The following STIM2 variants were observed in gnomAD, a reference collection of about 807,000 sequenced individuals.
STIM2 encodes stromal interaction molecule 2.
In STIM2, 31 loss-of-function variants were observed where a neutral mutation model predicts 85.8. The ratio of observed to expected loss-of-function variants is 0.36; its 90% CI spans 0.27 to 0.49. The LOEUF (loss-of-function observed/expected upper bound fraction) is 0.49. Among genes scored for constraint, STIM2 ranks in the 20% least tolerant of loss-of-function variants. The pLI is 0.98. For synonymous variants in STIM2, 356 were observed against 331.1 expected (o/e 1.08, Z -0.82); for missense variants, 841 against 927.6 (o/e 0.91, Z 1.21).
At chr4:26,973,977 C>G (rs1480623971) in intron 3 of STIM2, among the ~76,000 whole-genome samples, 2 of 152,134 alleles carry the variant, frequency 1.3e-5, no homozygotes, top group Non-Finnish European at 2.9e-5. Context: ...GAATTGATCC[C>G]TTTACCATTA....
chr4:26,983,921 T>C (rs542414954), intron 3 of STIM2, among the ~76,000 whole-genome samples: 4 of 152,284 alleles, frequency 2.6e-5, no homozygotes, highest in African/African-American at 4.8e-5. Context: ...CTACAGAAAA[T>C]CTTTTGAAGA....
chr4:26,903,464 ATTTC>A (rs1724002475), intron 1 of STIM2, among the ~76,000 whole-genome samples: 1 of 152,078 alleles, frequency 6.6e-6, no homozygotes, highest in African/African-American at 2.4e-5. Flanking sequence ...TGAACTAGTT[ATTTC>A]TGTTTGCTTC....
chr4:26,865,351 T>C (rs1722364965), intron 1 of STIM2, among the ~76,000 whole-genome samples: 1 of 152,176 alleles, frequency 6.6e-6, no homozygotes, highest in East Asian at 1.9e-4. Flanking sequence ...TGGCCTCTGT[T>C]GGGAATCTCA....
intron 1 of STIM2, among the ~76,000 whole-genome samples, chr4:26,863,186 A>G (rs928252087): frequency 6.6e-6 from 1 of 152,140 alleles, no homozygotes; most frequent in African/African-American, 2.4e-5. Flanking sequence ...CATGGGGGAA[A>G]AAGGTGATTC....
At chr4:26,928,509 A>C (rs529302847) in intron 2 of STIM2, among the ~76,000 whole-genome samples, 50 of 152,206 alleles carry the variant, frequency 3.3e-4, no homozygotes, top group African/African-American at 1.2e-3. Flanking sequence ...AATCTTTTTT[A>C]CCTCATCAGA....
intron 1 of STIM2, among the ~76,000 whole-genome samples, chr4:26,868,612 G>A (rs1016463682): frequency 1.3e-5 from 2 of 152,052 alleles, no homozygotes; most frequent in African/African-American, 4.8e-5. Context: ...TTAAACCCTT[G>A]TTTGAAGTTT....
intron 11 of STIM2, among the ~76,000 whole-genome samples, chr4:27,022,180 G>T (rs77694488): frequency 0.019 from 2,955 of 152,202 alleles, 103 homozygotes; most frequent in African/African-American, 0.068. Flanking sequence ...AAGAAAAATA[G>T]TATTGAAACA....
At chr4:26,894,663 T>A (rs1320140698) in intron 1 of STIM2, among the ~76,000 whole-genome samples, 1 of 152,226 alleles carries the variant, frequency 6.6e-6, no homozygotes, top group Non-Finnish European at 1.5e-5. Flanking sequence ...GATCTATTTT[T>A]CTGTTGCTTT....
intron 4 of STIM2, among the ~76,000 whole-genome samples, chr4:26,999,026 A>G (rs756414198): frequency 6.6e-6 from 1 of 152,152 alleles, no homozygotes; most frequent in Admixed American, 6.5e-5. Context: ...TTATTAACAT[A>G]CAGGAGTCTT....
intron 3 of STIM2, among the ~76,000 whole-genome samples, chr4:26,970,344 C>T (rs975118063): frequency 6.6e-6 from 1 of 151,670 alleles, no homozygotes. Flanking sequence ...GTTTGCTGCA[C>T]CCATTAACTT....
chr4:26,919,577 A>G lies in STIM2; in HGVS notation c.225A>G (p.Ile75Met). ...TTAGTCTGGAAGCTCTTCAAACAAT[A>G]CATAAACAAATGGATGATGACAAAG... Residue 75 changes from isoleucine to methionine, a missense_variant, in exon 2 of 12, where the codon ATA becomes ATG. By Grantham distance (10) the Ile-to-Met change is conservative. Transcript: ENST00000467087. 1.2e-6 allele frequency: 2 copies of G among 1,613,718 alleles called. No individual in the cohort carries two copies. The highest frequency in any genetic ancestry group is 1.7e-6 in the Non-Finnish European group (2 of 1,179,734).
intron 6 of STIM2, 27 bp downstream of exon 6, chr4:27,002,421 T>C (rs1207028237): frequency 6.4e-7 from 1 of 1,555,006 alleles, no homozygotes; most frequent in Non-Finnish European, 8.7e-7. Flanking sequence ...CATAACTCAT[T>C]TATGTAGGCA....
intron 1 of STIM2, among the ~76,000 whole-genome samples, chr4:26,887,366 T>G (rs1222708581): frequency 6.6e-6 from 1 of 152,108 alleles, no homozygotes; most frequent in Non-Finnish European, 1.5e-5. Context: ...TTACAGACTT[T>G]GATTGAACTC....
chr4:26,930,170 G>T lies in STIM2; in HGVS notation c.282+10536G>T, dbSNP rs564080266. On this transcript the variant is annotated intron_variant, in intron 2 of 11. Transcript: ENST00000467087. ...TGAATTGTTGATTGCATTCAAGGCTGCACGGTCTGTCAATTTTAGTGAAAT... is the reference window on the plus strand; with the variant it reads ...TGAATTGTTGATTGCATTCAAGGCTTCACGGTCTGTCAATTTTAGTGAAAT... Among the ~76,000 whole-genome samples the T allele has an allele frequency of 3.1e-4, 47 of 152,276 alleles. No homozygotes were observed. In the South Asian group the frequency reaches 9.7e-3, roughly 32 times the overall value.
chr4:26,984,275 T>C (rs1042955768), intron 3 of STIM2, among the ~76,000 whole-genome samples: 2 of 152,232 alleles, frequency 1.3e-5, no homozygotes, highest in African/African-American at 4.8e-5. Context: ...TTTTTGGCAT[T>C]GTATAACATG....
chr4:26,885,824 T>TATATAC (rs1723199690), intron 1 of STIM2, among the ~76,000 whole-genome samples: 1 of 10,120 alleles, frequency 9.9e-5, no homozygotes, highest in Non-Finnish European at 1.7e-4. Context: ...CCTCAGGTTA[T>TATATAC]ATATATATAT....
intron 3 of STIM2, among the ~76,000 whole-genome samples, chr4:26,993,941 T>G (rs923584493): frequency 6.6e-6 from 1 of 152,128 alleles, no homozygotes; most frequent in Non-Finnish European, 1.5e-5. Context: ...TGTTAGAACC[T>G]CGTAAGTTTT....
intron 2 of STIM2, among the ~76,000 whole-genome samples, chr4:26,927,870 TTA>T (rs1249214992): frequency 7.2e-6 from 1 of 139,424 alleles, no homozygotes; most frequent in Non-Finnish European, 1.5e-5. Flanking sequence ...ATTATATAAA[TTA>T]TATATTAATA....
At chr4:26,978,308 T>C (rs1008647600) in intron 3 of STIM2, among the ~76,000 whole-genome samples, 2 of 148,130 alleles carry the variant, frequency 1.4e-5, no homozygotes, top group Non-Finnish European at 3.0e-5. Context: ...TATAAATCTA[T>C]ATATATGAAT....
Sources: gnomAD v4.1 joint callset for allele counts (sites outside exome capture counted in the v4.1 genomes callset) on GRCh38, gnomAD v4.1.1 for gene constraint, MANE v1.5 for transcripts, NCBI Gene and HGNC (gene_info 2026-07-23, HGNC 2026-07-21) for gene names.